Variants in SYNE1 observed in about 807,000 individuals in gnomAD.
The protein encoded by SYNE1 is nesprin-1.
In SYNE1, 616 loss-of-function variants were observed where a neutral mutation model predicts 1,111.0. That is an observed-to-expected ratio of 0.55 (90% CI 0.52 to 0.59). The LOEUF (loss-of-function observed/expected upper bound fraction) is 0.59. SYNE1 is among the 20% of genes least tolerant of loss of function. The probability of loss-of-function intolerance (pLI) is 0.00; values close to 1 mark genes in which losing one functional copy is unlikely to be tolerated. For missense variants in SYNE1, 10,006 were observed against 10,417.0 expected (o/e 0.96, Z 1.72); for synonymous variants, 3,855 against 3,825.8 (o/e 1.01, Z -0.28).
chr6:152,435,772 T>C, intron 33 of SYNE1, 169 bp downstream of exon 33: 1 of 800,132 alleles, frequency 1.2e-6, no homozygotes, highest in Non-Finnish European at 2.0e-6. Context: ...TAGATATTGG[T>C]TTCTGTATTA....
intron 42 of SYNE1, among the ~76,000 whole-genome samples, chr6:152,411,093 T>C (rs573383138): frequency 2.6e-5 from 4 of 152,346 alleles, no homozygotes; most frequent in East Asian, 3.9e-4. Context: ...TTGTACATGA[T>C]GTAAAATATA....
intron 58 of SYNE1, among the ~76,000 whole-genome samples, chr6:152,375,874 C>T (rs1167496934): frequency 6.6e-6 from 1 of 152,220 alleles, no homozygotes; most frequent in Non-Finnish European, 1.5e-5. Context: ...GGTTCCTCTT[C>T]ATATACAGAA....
intron 105 of SYNE1, among the ~76,000 whole-genome samples, chr6:152,248,197 C>G (rs1432748239): frequency 6.6e-6 from 1 of 152,116 alleles, no homozygotes; most frequent in African/African-American, 2.4e-5. Context: ...TCATTTTTAC[C>G]TGCAAACATC....
intron 42 of SYNE1, among the ~76,000 whole-genome samples, chr6:152,412,355 T>C (rs214985): frequency 0.44 from 65,397 of 148,400 alleles, 14,808 homozygotes; most frequent in East Asian, 0.75. Context: ...ACCTGGGAGG[T>C]GGAGCTTGCA....
chr6:152,376,976 C>G (rs1346631636), intron 56 of SYNE1, 64 bp from the exon 57 acceptor site: 2 of 1,574,652 alleles, frequency 1.3e-6, no homozygotes, highest in Non-Finnish European at 1.7e-6. Context: ...TATCTTCACA[C>G]TATACATGCA....
At chr6:152,302,597 T>A (rs534886819) in intron 91 of SYNE1, among the ~76,000 whole-genome samples, 1 of 152,180 alleles carries the variant, frequency 6.6e-6, no homozygotes, top group East Asian at 1.9e-4. Context: ...TCTCTAAGAA[T>A]TTTTTTTAGA....
chr6:152,219,088 G>A lies in SYNE1; in HGVS notation c.21959C>T (p.Ser7320Leu). Residue 7320 changes from serine (S) to leucine (L), a missense_variant, in exon 120 of 146, where the codon TCA becomes TTA. Around this residue, in one of 7 missense-constraint regions of SYNE1, gnomAD observed 2,182 missense variants for 2,287.8 expected, o/e 0.95. Transcript: ENST00000367255. ...LKQQVDASAA[S>L]AIQSDQLSLS... ...AGAGAGTTGATCCGATTGAATAGCTGATGCTGCGGAAGCATCCACTTGTTG... is the reference window on the plus strand; with the variant it reads ...AGAGAGTTGATCCGATTGAATAGCTAATGCTGCGGAAGCATCCACTTGTTG... 6.2e-7 allele frequency: 1 copy of A among 1,614,164 alleles called. No homozygotes were observed. Among genetic ancestry groups the A allele is most frequent in the Non-Finnish European group, 8.5e-7 (1 of 1,179,996 alleles).
intron 115 of SYNE1, among the ~76,000 whole-genome samples, chr6:152,226,099 T>C (rs1401887329): frequency 6.6e-6 from 1 of 152,136 alleles, no homozygotes; most frequent in Admixed American, 6.5e-5. Context: ...TTTAAAAAAG[T>C]AAAATTTGAT....
chr6:152,192,138 T>C (rs993187625), intron 127 of SYNE1, among the ~76,000 whole-genome samples: 3 of 152,250 alleles, frequency 2.0e-5, no homozygotes, highest in Admixed American at 6.5e-5. Flanking sequence ...TTTGTTTGAA[T>C]GTTTTAAGAC....
chr6:152,474,469 G>C (rs2098824239), intron 14 of SYNE1, among the ~76,000 whole-genome samples: 1 of 152,144 alleles, frequency 6.6e-6, no homozygotes. Context: ...ATGTGAACAG[G>C]ATGAGGACAC....
chr6:152,563,671 C>T (rs80013931), intron 3 of SYNE1, among the ~76,000 whole-genome samples: 4,502 of 152,086 alleles, frequency 0.03, 217 homozygotes, highest in African/African-American at 0.1. Flanking sequence ...GGAAAAAAAT[C>T]GTCCAACTTA....
chr6:152,448,073 T>C (rs1340734129), intron 28 of SYNE1, among the ~76,000 whole-genome samples: 1 of 152,258 alleles, frequency 6.6e-6, no homozygotes, highest in Non-Finnish European at 1.5e-5. Context: ...TGTTGAATAT[T>C]GTTATGGATG....
At chr6:152,360,542 A>AC (rs967939971) in intron 64 of SYNE1, among the ~76,000 whole-genome samples, 3 of 151,574 alleles carry the variant, frequency 2.0e-5, no homozygotes, top group Non-Finnish European at 2.9e-5. Flanking sequence ...ACACCACACT[A>AC]CTTTTTTTTT....
intron 96 of SYNE1, 174 bp from the exon 97 acceptor site, chr6:152,282,154 T>C (rs2094069390): frequency 3.0e-6 from 2 of 663,192 alleles, no homozygotes; most frequent in Non-Finnish European, 5.2e-6. Flanking sequence ...TTTCTAGGGG[T>C]GAGTCTCAAA....
rs1217896049 is a variant in SYNE1 at position 152,330,743 on chromosome 6, A to G, written c.13942T>C (p.Leu4648=). ...ACAATTACATTAAATTGTCGAGGCA[A>G]AGCATTTAGCTTTTCACTGAGGTAG... ...HSYLSEKLNA[L]PRQFNVIVAL... Residue 4648 remains leucine, a synonymous_variant, in exon 78 of 146, where the codon TTG becomes CTG. Coordinates refer to ENST00000367255, the MANE Select transcript of SYNE1 (RefSeq NM_182961.4). 6.2e-7 allele frequency: 1 copy of G among 1,614,076 alleles called. No homozygotes were observed. The highest frequency in any genetic ancestry group is 8.5e-7 in the Non-Finnish European group (1 of 1,180,052).
At position 152,323,520 on chromosome 6, in the gene SYNE1, G is replaced by A. The variant is rs200626370; in HGVS notation, c.15875C>T (p.Pro5292Leu). ...GAAPTPGEEP[P>L]LMQEITAMQD... The stretch of plus-strand genomic sequence containing the variant: ...CATGGCGGTGATTTCCTGCATGAGC[G>A]GAGGCTCTTCCCCAGGGGTTGGGGC... The change falls in exon 82 of 146, where the codon CCG becomes CTG. Residue 5292 changes from proline to leucine, a missense_variant. This residue lies in a region of SYNE1 where 4,955 missense variants were observed against 5,017.2 expected (regional missense o/e 0.99). Transcript: ENST00000367255. 12 of 1,613,982 alleles carry A rather than the reference G, an allele frequency of 7.4e-6. No individual in the cohort carries two copies. The highest frequency in any genetic ancestry group is 1.6e-4 in the Middle Eastern group (1 of 6,084).
At position 152,471,695 on chromosome 6, in the gene SYNE1, G is replaced by C. The variant is rs371598904; in HGVS notation, c.1534C>G (p.Leu512Val). The C allele has an allele frequency of 3.1e-6, 5 of 1,613,896 alleles. No homozygotes were observed. In the African/African-American group the frequency reaches 6.7e-5, roughly 22 times the overall value. ...TCTGCAAGAACCAGCAGTGAGAGCAGACGGTACTTTAATTCTAAAAATTCC... is the reference window on the plus strand; with the variant it reads ...TCTGCAAGAACCAGCAGTGAGAGCACACGGTACTTTAATTCTAAAAATTCC... ...KMEFLELKYR[L>V]LSLLVLAESK... The change falls in exon 16 of 146, where the codon CTG becomes GTG. Residue 512 changes from leucine (L) to valine (V), a missense_variant. Transcript: ENST00000367255.
chr6:152,187,573 CAG>C (rs2070551029), intron 128 of SYNE1, among the ~76,000 whole-genome samples: 1 of 152,308 alleles, frequency 6.6e-6, no homozygotes, highest in East Asian at 1.9e-4. Flanking sequence ...GCCACCTTGT[CAG>C]AGTGTTCATT....
At chr6:152,575,734 T>A (rs2099493827) in intron 3 of SYNE1, among the ~76,000 whole-genome samples, 1 of 152,214 alleles carries the variant, frequency 6.6e-6, no homozygotes, top group Non-Finnish European at 1.5e-5. Flanking sequence ...AGTTTCATCA[T>A]CACTGTAATG....
Sources: gnomAD v4.1 joint callset for allele counts (sites outside exome capture counted in the v4.1 genomes callset) on GRCh38, gnomAD v4.1.1 for gene constraint, gnomAD v4.1.1 regional missense constraint, MANE v1.5 for transcripts, NCBI Gene and HGNC (gene_info 2026-07-23, HGNC 2026-07-21) for gene names.